The following CERS5 variants were observed in gnomAD, a reference collection of about 807,000 sequenced individuals.
CERS5 encodes LAG1 homolog, ceramide synthase 5.
Under a neutral mutation model 58.9 loss-of-function variants are expected in CERS5, and 37 were observed. That is an observed-to-expected ratio of 0.63 (90% CI 0.48 to 0.83). The LOEUF is 0.83. Ranked by LOEUF, CERS5 falls within the 40% of genes least tolerant of loss-of-function variation. The pLI is 0.00. For missense variants in CERS5, 398 were observed against 489.3 expected, an observed-to-expected ratio of 0.81 and a Z score of 1.76; for synonymous variants, 147 against 177.8, an observed-to-expected ratio of 0.83 and a Z score of 1.38.
chr12:50,156,633 A>C (rs1280040556), intron 1 of CERS5, among the ~76,000 whole-genome samples: 1 of 151,904 alleles, frequency 6.6e-6, no homozygotes, highest in Admixed American at 6.6e-5. Flanking sequence ...TTAATAGAGA[A>C]AATATTGATA....
At chr12:50,133,687 A>T in intron 9 of CERS5, 1 of 985,138 alleles carries the variant, frequency 1.0e-6, no homozygotes, top group Non-Finnish European at 1.2e-6. Flanking sequence ...CTCTTAAAAA[A>T]CTCTTAACCC....
intron 1 of CERS5, among the ~76,000 whole-genome samples, chr12:50,157,158 A>C (rs990348607): frequency 2.6e-5 from 4 of 152,028 alleles, no homozygotes; most frequent in African/African-American, 9.7e-5. Context: ...TCCTCCCCTC[A>C]AACATCGGAC....
Position 50,167,145 on chromosome 12 carries a change from G to A in CERS5, c.153C>T (p.Phe51=). The A allele has an allele frequency of 6.3e-7, 1 of 1,588,634 alleles. No homozygotes were observed. The highest frequency in any genetic ancestry group is 8.5e-7 in the Non-Finnish European group (1 of 1,171,310). Reference sequence around the variant, plus strand: ...CGAAGAAGATGCCCGCCGCCAGCGGGAACACCGAGAGGATGTGCCGGCCGC... The same window carrying A: ...CGAAGAAGATGCCCGCCGCCAGCGGAAACACCGAGAGGATGTGCCGGCCGC... ...YPRGRHILSV[F]PLAAGIFFVR... is the part of the protein sequence containing the mutation. Residue 51 remains phenylalanine, a synonymous_variant, in exon 1 of 10, where the codon TTC becomes TTT. Transcript: ENST00000317551.
intron 1 of CERS5, among the ~76,000 whole-genome samples, chr12:50,151,534 T>C (rs187993422): frequency 1.3e-5 from 2 of 152,344 alleles, no homozygotes; most frequent in East Asian, 3.9e-4. Flanking sequence ...CAAGTTCCTC[T>C]GTGCTTCAGT....
At chr12:50,147,215 A>T (rs1269615957) in intron 1 of CERS5, 1 of 152,038 alleles carries the variant, frequency 6.6e-6, no homozygotes, top group Non-Finnish European at 1.5e-5. Flanking sequence ...CAGCCTATCC[A>T]ACATGGTGAA....
At chr12:50,166,966 C>T (rs1322777863) in intron 1 of CERS5, 135 bp downstream of exon 1, 5 of 727,352 alleles carry the variant, frequency 6.9e-6, no homozygotes, top group Non-Finnish European at 1.1e-5. Flanking sequence ...TAGCATCACC[C>T]GCCGCGGCCC....
chr12:50,141,927 A>G (rs7131794), intron 4 of CERS5, 126 bp downstream of exon 4: 183,633 of 597,702 alleles, frequency 0.31, 34,485 homozygotes, highest in East Asian at 0.79. Flanking sequence ...GTGACAGAGC[A>G]AGACTCCGTC....
chr12:50,157,046 G>A (rs1264509891), intron 1 of CERS5, among the ~76,000 whole-genome samples: 3 of 152,180 alleles, frequency 2.0e-5, no homozygotes, highest in Non-Finnish European at 4.4e-5. Flanking sequence ...ATCTGGGTGG[G>A]CACCATCTAA....
intron 8 of CERS5, 154 bp downstream of exon 8, chr12:50,135,578 C>A (rs770993086): frequency 1.3e-6 from 1 of 741,376 alleles, no homozygotes; most frequent in Admixed American, 1.9e-5. Flanking sequence ...AAGGTCAGCA[C>A]AGGCTAAGGT....
At chr12:50,161,357 AAAGT>A (rs1939241700) in intron 1 of CERS5, among the ~76,000 whole-genome samples, 1 of 152,248 alleles carries the variant, frequency 6.6e-6, no homozygotes, top group African/African-American at 2.4e-5. Context: ...GAAGGAAGAG[AAAGT>A]AAGACCAAAT....
intron 5 of CERS5, among the ~76,000 whole-genome samples, chr12:50,138,036 C>A (rs1951778451): frequency 6.6e-6 from 1 of 152,194 alleles, no homozygotes; most frequent in Admixed American, 6.5e-5. Flanking sequence ...CAGCTCTCAT[C>A]TTGCAGAGAT....
intron 8 of CERS5, among the ~76,000 whole-genome samples, chr12:50,135,073 T>C (rs895469371): frequency 8.5e-5 from 12 of 141,168 alleles, no homozygotes; most frequent in African/African-American, 3.2e-4. Flanking sequence ...GAGCAGTGAA[T>C]GTAAAAGTGA....
intron 1 of CERS5, among the ~76,000 whole-genome samples, chr12:50,157,582 A>C (rs1280329975): frequency 1.3e-5 from 2 of 152,112 alleles, no homozygotes; most frequent in African/African-American, 4.8e-5. Context: ...AGTTCATTCA[A>C]GATCTCTGAA....
intron 1 of CERS5, among the ~76,000 whole-genome samples, chr12:50,152,026 T>C (rs1286393208): frequency 1.3e-5 from 2 of 152,206 alleles, no homozygotes; most frequent in African/African-American, 2.4e-5. Flanking sequence ...CCTCTGCCTT[T>C]TCCTGAAACA....
At chr12:50,151,581 A>G (rs1250396567) in intron 1 of CERS5, among the ~76,000 whole-genome samples, 3 of 152,186 alleles carry the variant, frequency 2.0e-5, no homozygotes, top group Non-Finnish European at 4.4e-5. Flanking sequence ...AGTAATGCCT[A>G]CCTACCTCAT....
Position 50,129,705 on chromosome 12 carries a change from G to T in CERS5, c.*840C>A, listed in dbSNP as rs1348765909. ...CAGAAAGGAAAAATTTGGTGTCCAG[G>T]GCCTTCTGAATCAGACCTGGAAAAG... On this transcript the variant is annotated 3_prime_UTR_variant, in exon 10 of 10. Coordinates refer to ENST00000317551, the MANE Select transcript of CERS5 (RefSeq NM_147190.5). 6.6e-6 allele frequency: 1 copy of T among 151,848 alleles called. No individual in the cohort carries two copies. Among genetic ancestry groups the T allele is most frequent in the African/African-American group, 2.4e-5 (1 of 41,326 alleles). 9.4% of individuals were successfully genotyped at this position (151,848 alleles called of 1,614,324 possible).
chr12:50,145,872 GAAACC>G (rs1952242223), intron 1 of CERS5, among the ~76,000 whole-genome samples: 5 of 152,180 alleles, frequency 3.3e-5, no homozygotes, highest in Non-Finnish European at 7.3e-5. Context: ...ATGTTTTAGT[GAAACC>G]CACTCTTGTT....
At chr12:50,158,060 C>CAAAAAAA (rs11388385) in intron 1 of CERS5, among the ~76,000 whole-genome samples, 1 of 81,350 alleles carries the variant, frequency 1.2e-5, no homozygotes, top group Non-Finnish European at 2.3e-5. Flanking sequence ...AGACCATGAC[C>CAAAAAAA]AAAAAAAAAA....
intron 1 of CERS5, chr12:50,165,125 A>G (rs538928433): frequency 6.6e-6 from 1 of 152,316 alleles, no homozygotes; most frequent in South Asian, 2.1e-4. Context: ...TTACACGTAA[A>G]AAGACAAAAC....
Sources: allele counts gnomAD v4.1 joint callset (sites outside exome capture counted in the v4.1 genomes callset), GRCh38; gene constraint gnomAD v4.1.1; transcripts MANE v1.5; gene names NCBI Gene and HGNC (gene_info 2026-07-23, HGNC 2026-07-21).